Variants in BPIFC observed in about 807,000 individuals in gnomAD.
The protein encoded by BPIFC is BPI fold-containing family C protein.
BPIFC carries 60 observed loss-of-function variants against 57.6 expected under a neutral mutation model. The ratio of observed to expected loss-of-function variants is 1.04; its 90% confidence interval spans 0.85 to 1.29. The LOEUF is 1.29. Among genes scored for constraint, BPIFC ranks in the 50% most tolerant of loss-of-function variants. The pLI is 0.00. For missense variants in BPIFC, 581 were observed against 600.5 expected (o/e 0.97, Z 0.34); for synonymous variants, 243 against 224.5 (o/e 1.08, Z -0.74).
Position 32,433,730 on chromosome 22 carries a change from C to T in BPIFC, c.967G>A (p.Val323Met), listed in dbSNP as rs779432062. ...CCCTGAGCACTTACCCGGGAGAGCA[C>T]GTTGCCAAGGCCTTGAGAGTTTTGA... The part of the protein sequence containing the change: ...FVQNSQGLGN[V>M]LSRIAEIYIL... The change falls in exon 11 of 17, where the codon GTG becomes ATG. Residue 323 changes from valine to methionine, a missense_variant. Transcript: ENST00000300399. 16 of 1,613,734 alleles carry T rather than the reference C, an allele frequency of 9.9e-6. No individual in the cohort carries two copies. The African/African-American group carries it at 1.3e-4, about 13-fold the overall frequency.
intron 13 of BPIFC, among the ~76,000 whole-genome samples, chr22:32,429,516 T>TTTTG (rs1934173800): frequency 8.3e-6 from 1 of 121,142 alleles, no homozygotes; most frequent in African/African-American, 3.0e-5. Flanking sequence ...TTTGTTTTTT[T>TTTTG]TTTTTTTTTT....
intron 13 of BPIFC, among the ~76,000 whole-genome samples, chr22:32,428,273 G>A (rs966153142): frequency 7.8e-5 from 11 of 141,334 alleles, no homozygotes; most frequent in South Asian, 6.8e-4. Context: ...GTGTGTGCGC[G>A]CGCGTGTGTG....
chr22:32,451,450 A>G (rs1201514469), intron 4 of BPIFC, among the ~76,000 whole-genome samples: 2 of 152,196 alleles, frequency 1.3e-5, no homozygotes, highest in African/African-American at 4.8e-5. Flanking sequence ...AGGACAAAAA[A>G]CCAAACACCA....
intron 13 of BPIFC, among the ~76,000 whole-genome samples, chr22:32,422,811 T>C (rs1404120438): frequency 6.6e-6 from 1 of 152,044 alleles, no homozygotes; most frequent in Non-Finnish European, 1.5e-5. Context: ...ATATGGGGCA[T>C]ATCATGGGGG....
chr22:32,432,243 G>C (rs185320000), intron 12 of BPIFC, 130 bp downstream of exon 12: 1 of 1,001,388 alleles, frequency 1.0e-6, no homozygotes, highest in East Asian at 2.5e-5. Context: ...ATCACGTCCA[G>C]CCTCCATCCT....
At chr22:32,426,587 G>A (rs1934072374) in intron 13 of BPIFC, among the ~76,000 whole-genome samples, 1 of 152,132 alleles carries the variant, frequency 6.6e-6, no homozygotes, top group African/African-American at 2.4e-5. Flanking sequence ...TTAATGCCTT[G>A]CCATCTCTAT....
chr22:32,462,377 T>C (rs987385709), intron 1 of BPIFC, among the ~76,000 whole-genome samples: 3 of 151,890 alleles, frequency 2.0e-5, no homozygotes, highest in African/African-American at 7.3e-5. Flanking sequence ...ACTGACTGAC[T>C]TAAAAGATTC....
chr22:32,423,356 G>T (rs1184518085), intron 13 of BPIFC, among the ~76,000 whole-genome samples: 6 of 152,168 alleles, frequency 3.9e-5, no homozygotes, highest in African/African-American at 1.4e-4. Context: ...CTACCCCACT[G>T]TGGCATTCTT....
chr22:32,414,087 G>A lies in BPIFC; in HGVS notation c.*216C>T, dbSNP rs925416011. The A allele has an allele frequency of 7.8e-6, 3 of 385,968 alleles. No individual in the cohort carries two copies. The highest frequency in any genetic ancestry group is 4.2e-5 in the African/African-American group (2 of 47,454). The allele number at this position is 385,968 out of a possible 1,614,324, so 23.9% of individuals were successfully genotyped here. A position where few individuals can be genotyped will look rare whatever the true frequency, so the allele number is the denominator to read the frequency against. On this transcript the variant is annotated 3_prime_UTR_variant, in exon 17 of 17. Transcript: ENST00000300399. Reference sequence around the variant, plus strand: ...CAAACAAACATAAACACAGACACACGCAGCATGCATACACTCACATTCAGA... The same window carrying A: ...CAAACAAACATAAACACAGACACACACAGCATGCATACACTCACATTCAGA...
intron 4 of BPIFC, among the ~76,000 whole-genome samples, chr22:32,448,815 G>T (rs1483566101): frequency 6.6e-6 from 1 of 151,432 alleles, no homozygotes; most frequent in Non-Finnish European, 1.5e-5. Flanking sequence ...GCATGTGCCT[G>T]TAGTCCCAGC....
chr22:32,441,586 G>A (rs770509505), intron 8 of BPIFC, among the ~76,000 whole-genome samples: 1 of 152,148 alleles, frequency 6.6e-6, no homozygotes, highest in Non-Finnish European at 1.5e-5. Context: ...TACGGAGTGG[G>A]GGCTGTCAGG....
At chr22:32,459,213 T>A (rs5749441) in intron 2 of BPIFC, among the ~76,000 whole-genome samples, 1 of 151,982 alleles carries the variant, frequency 6.6e-6, no homozygotes, top group Non-Finnish European at 1.5e-5. Context: ...CCCAGGAAGG[T>A]GACCTTGTGG....
intron 10 of BPIFC, among the ~76,000 whole-genome samples, chr22:32,434,625 T>C (rs1164006774): frequency 1.3e-5 from 2 of 152,054 alleles, no homozygotes; most frequent in Non-Finnish European, 2.9e-5. Context: ...TGTGTTACTG[T>C]CCTCACTTTT....
rs112383605 is a variant in BPIFC, at chr22:32,457,048, T to C, written c.124+215A>G. Among the ~76,000 whole-genome samples the C allele has an allele frequency of 8.1e-3, 1,236 of 152,352 alleles. 24 individuals carry two copies. Among genetic ancestry groups the C allele is most frequent in the African/African-American group, 0.029 (1,198 of 41,592 alleles). ...GAAAGAGAGAGAGACAATGAGAATC[T>C]GTGCTGTGTTTGGACATGCCTCCCA... is the stretch of plus-strand genomic sequence containing the variant. On this transcript the variant is annotated intron_variant, in intron 3 of 16. Transcript: ENST00000300399.
intron 8 of BPIFC, among the ~76,000 whole-genome samples, chr22:32,441,763 G>T (rs1038870229): frequency 2.6e-5 from 4 of 152,172 alleles, no homozygotes; most frequent in Non-Finnish European, 5.9e-5. Flanking sequence ...ATATGTATCT[G>T]TTAAAGCAGC....
intron 2 of BPIFC, among the ~76,000 whole-genome samples, chr22:32,461,080 A>G (rs892519051): frequency 6.6e-6 from 1 of 152,124 alleles, no homozygotes; most frequent in Non-Finnish European, 1.5e-5. Flanking sequence ...GGGGCCAGGA[A>G]GTTGAGTGCC....
chr22:32,442,427 G>A (rs1601468573), intron 8 of BPIFC, among the ~76,000 whole-genome samples: 1 of 152,238 alleles, frequency 6.6e-6, no homozygotes, highest in African/African-American at 2.4e-5. Flanking sequence ...TTTAGTTCCT[G>A]AACCTACATC....
chr22:32,431,033 T>G (rs1405695476), intron 13 of BPIFC, among the ~76,000 whole-genome samples: 6 of 152,182 alleles, frequency 3.9e-5, no homozygotes, highest in Non-Finnish European at 5.9e-5. Flanking sequence ...AGTACCATTT[T>G]TAGTAAAGTA....
intron 9 of BPIFC, 62 bp downstream of exon 9, chr22:32,437,698 A>C (rs1934447096): frequency 7.9e-7 from 1 of 1,264,702 alleles, no homozygotes; most frequent in African/African-American, 1.5e-5. Flanking sequence ...GTCCATAATC[A>C]TTGTTTTCTA....
Sources: gnomAD v4.1 joint callset for allele counts (sites outside exome capture counted in the v4.1 genomes callset) on GRCh38, gnomAD v4.1.1 for gene constraint, MANE v1.5 for transcripts, NCBI Gene and HGNC (gene_info 2026-07-23, HGNC 2026-07-21) for gene names.